DAB1: variants seen among roughly 807,000 people sequenced by gnomAD.
DAB1 encodes DAB adaptor protein 1.
A neutral mutation model predicts 64.6 loss-of-function variants in DAB1; 15 were observed. That is an observed-to-expected ratio of 0.23 (90% confidence interval 0.16 to 0.36). The LOEUF (loss-of-function observed/expected upper bound fraction) is 0.36, where lower values mean the gene tolerates loss of function less well. Ranked by LOEUF, DAB1 falls within the 10% of genes least tolerant of loss-of-function variation. The probability of loss-of-function intolerance (pLI) is 1.00; values close to 1 mark genes in which losing one functional copy is unlikely to be tolerated. For synonymous variants in DAB1, 235 were observed against 251.9 expected (o/e 0.93, Z 0.64); for missense variants, 596 against 706.7 (o/e 0.84, Z 1.78).
intron 5 of DAB1, among the ~76,000 whole-genome samples, chr1:58,131,596 C>T (rs1385749604): frequency 1.5e-5 from 2 of 134,112 alleles, no homozygotes; most frequent in Non-Finnish European, 3.1e-5. Context: ...GTTTTATCTA[C>T]TTTTGGTCTT....
chr1:58,515,220 C>A (rs1418249380), intron 2 of DAB1, among the ~76,000 whole-genome samples: 1 of 152,114 alleles, frequency 6.6e-6, no homozygotes, highest in Non-Finnish European at 1.5e-5. Context: ...CAACTAAATG[C>A]AACATAATCT....
At chr1:57,088,948 CG>C (rs1653362385) in intron 4 of DAB1, among the ~76,000 whole-genome samples, 1 of 152,174 alleles carries the variant, frequency 6.6e-6, no homozygotes, top group South Asian at 2.1e-4. Flanking sequence ...GCTAGAGGAC[CG>C]GAACGGTGAA....
intron 4 of DAB1, among the ~76,000 whole-genome samples, chr1:57,130,715 G>C: frequency 7.5e-6 from 1 of 133,834 alleles, no homozygotes; most frequent in East Asian, 2.7e-4. Flanking sequence ...GCAGAGAGTT[G>C]AATGGTGGTT....
In DAB1 at chr1:56,996,628, C is replaced by G. The variant is rs1645629706; in HGVS notation, c.*1516G>C. ...TGTGAATTGTCTTTTTCTTGTGTTG[C>G]ACGTAGGGTGGGGACTCTCGTGGAA... On this transcript the variant is annotated 3_prime_UTR_variant, in exon 15 of 15. Coordinates refer to ENST00000371236, the MANE Select transcript of DAB1 (RefSeq NM_001365792.1). The G allele has an allele frequency of 6.6e-6, 1 of 152,308 alleles. No individual in the cohort carries two copies. The highest frequency in any genetic ancestry group is 6.6e-5 in the Admixed American group (1 of 15,256). The allele number at this position is 152,308 out of a possible 1,614,324, so 9.4% of individuals were successfully genotyped here.
At position 58,165,873 on chromosome 1, in the gene DAB1, C is replaced by T. The variant is rs111782353; in HGVS notation, n.310-15285G>A. ...TTGATTGTGGGCTTACTGTATGCTA[C>T]ACATCTTATGTGTGTGGCCTCATTT... On this transcript the variant is annotated intron_variant and non_coding_transcript_variant, in intron 4 of 20. Coordinates refer to the DAB1 transcript ENST00000485760. Among the ~76,000 whole-genome samples the T allele has an allele frequency of 9.8e-3, 1,496 of 152,308 alleles. 11 individuals are homozygous for T. The highest frequency in any genetic ancestry group is 0.014 in the Non-Finnish European group (958 of 68,024).
chr1:58,526,808 A>T (rs1056602037), intron 2 of DAB1, among the ~76,000 whole-genome samples: 6 of 152,134 alleles, frequency 3.9e-5, no homozygotes, highest in Non-Finnish European at 8.8e-5. Flanking sequence ...AAGGGGTAAA[A>T]TATTGGAGTA....
intron 2 of DAB1, among the ~76,000 whole-genome samples, chr1:57,159,218 T>C (rs1660512976): frequency 6.6e-6 from 1 of 152,200 alleles, no homozygotes. Flanking sequence ...TTGAAAAATA[T>C]ATTTTAAGAC....
At chr1:57,544,928 ATT>A (rs1644840314) in intron 7 of DAB1, among the ~76,000 whole-genome samples, 1 of 152,202 alleles carries the variant, frequency 6.6e-6, no homozygotes, top group Non-Finnish European at 1.5e-5. Flanking sequence ...TCATTTATAA[ATT>A]ACCCAGCCTT....
At chr1:58,109,658 C>T (rs552453283) in intron 5 of DAB1, among the ~76,000 whole-genome samples, 14 of 151,938 alleles carry the variant, frequency 9.2e-5, no homozygotes, top group African/African-American at 1.4e-4. Context: ...GGGCCAAGGG[C>T]GTAAGGCTAT....
intron 4 of DAB1, among the ~76,000 whole-genome samples, chr1:58,240,210 A>T (rs576793082): frequency 1.3e-5 from 2 of 152,350 alleles, no homozygotes; most frequent in South Asian, 4.1e-4. Context: ...TAAGTACAAT[A>T]TTCCTTAGTC....
At chr1:57,299,036 C>T (rs540267622) in intron 1 of DAB1, among the ~76,000 whole-genome samples, 1 of 152,300 alleles carries the variant, frequency 6.6e-6, no homozygotes, top group South Asian at 2.1e-4. Context: ...ACATCTCTTA[C>T]TGTATGCTGA....
intron 6 of DAB1, among the ~76,000 whole-genome samples, chr1:57,807,307 G>A (rs965322574): frequency 5.9e-5 from 9 of 151,952 alleles, no homozygotes; most frequent in African/African-American, 1.7e-4. Context: ...AATTGAATAG[G>A]GCAGATACAA....
intron 3 of DAB1, chr1:58,506,020 C>T (rs556853088): frequency 1.2e-6 from 1 of 805,664 alleles, no homozygotes; most frequent in Non-Finnish European, 2.2e-6. Context: ...ATAAATGATA[C>T]AGTAAAAATA....
intron 5 of DAB1, among the ~76,000 whole-genome samples, chr1:58,136,318 C>A: frequency 6.6e-6 from 1 of 152,146 alleles, no homozygotes; most frequent in East Asian, 1.9e-4. Flanking sequence ...TTAGCCACCA[C>A]TTATTCTGGG....
At chr1:57,929,908 G>C (rs528146125) in intron 5 of DAB1, among the ~76,000 whole-genome samples, 18 of 152,210 alleles carry the variant, frequency 1.2e-4, no homozygotes, top group African/African-American at 3.9e-4. Context: ...CCACCCCCAG[G>C]ACCCAACCAC....
intron 5 of DAB1, among the ~76,000 whole-genome samples, chr1:58,112,789 T>C (rs549381087): frequency 1.3e-5 from 2 of 152,268 alleles, no homozygotes; most frequent in South Asian, 4.2e-4. Context: ...AAGCACCACA[T>C]ACATGCTCCT....
At chr1:57,274,988 A>G (rs1671347189) in intron 2 of DAB1, among the ~76,000 whole-genome samples, 1 of 151,968 alleles carries the variant, frequency 6.6e-6, no homozygotes, top group South Asian at 2.1e-4. Flanking sequence ...AAGGAGGAGG[A>G]AGAGAACTAA....
Position 57,053,688 on chromosome 1 carries a change from A to ATTTTT in DAB1, c.723+9191_723+9195dup, listed in dbSNP as rs61374333. On this transcript the variant is annotated intron_variant, in intron 9 of 14. Coordinates refer to ENST00000371236, the MANE Select transcript of DAB1 (RefSeq NM_001365792.1). The stretch of plus-strand genomic sequence containing the variant: ...TATGTATATATATATATATATATAT[A>ATTTTT]TTTTTTTTTTTTTTTTTGAGACGGA... 2.0e-3 allele frequency among the ~76,000 whole-genome samples: 145 copies of ATTTTT among 71,400 alleles called. 1 individual carries two copies. Among genetic ancestry groups the ATTTTT allele is most frequent in the Admixed American group, 4.2e-3 (18 of 4,310 alleles). The allele number at this position is 71,400 out of a possible 152,430, so 46.8% of individuals were successfully genotyped here. A position where few individuals can be genotyped will look rare whatever the true frequency, so the allele number is the denominator to read the frequency against.
At chr1:57,358,802 A>G (rs1418035688) in intron 1 of DAB1, among the ~76,000 whole-genome samples, 1 of 152,110 alleles carries the variant, frequency 6.6e-6, no homozygotes, top group East Asian at 1.9e-4. Flanking sequence ...AGAACAGAAT[A>G]GAGAGCTCAG....
Sources: gnomAD v4.1 joint callset for allele counts (sites outside exome capture counted in the v4.1 genomes callset) on GRCh38, gnomAD v4.1.1 for gene constraint, MANE v1.5 for transcripts, NCBI Gene and HGNC (gene_info 2026-07-23, HGNC 2026-07-21) for gene names.